The following GTF2I variants were observed in gnomAD, a reference collection of about 807,000 sequenced individuals.
The protein encoded by GTF2I is general transcription factor II-I.
In GTF2I, 12 loss-of-function variants were observed where a neutral mutation model predicts 67.6. That is an observed-to-expected ratio of 0.18 (90% CI 0.11 to 0.29). The LOEUF is 0.29. GTF2I is among the 10% of genes least tolerant of loss of function. GTF2I has a pLI of 1.00. For synonymous variants in GTF2I, 149 were observed against 197.0 expected (o/e 0.76, Z 2.04); for missense variants, 271 against 580.1 (o/e 0.47, Z 5.47).
intron 1 of GTF2I, among the ~76,000 whole-genome samples, chr7:74,671,090 T>C (rs915106401): frequency 1.4e-4 from 19 of 140,478 alleles, no homozygotes; most frequent in Non-Finnish European, 2.5e-4. Context: ...TTTTTTTTTT[T>C]TTTTTTTTTT....
chr7:74,685,759 T>C (rs1322041352), intron 1 of GTF2I, among the ~76,000 whole-genome samples: 1 of 149,464 alleles, frequency 6.7e-6, no homozygotes, highest in African/African-American at 2.5e-5. Flanking sequence ...AGAGCTAGAC[T>C]CCGTCTTAAA....
At chr7:74,697,949 TG>T (rs201162049) in intron 3 of GTF2I, among the ~76,000 whole-genome samples, 88,169 of 146,966 alleles carry the variant, frequency 0.6, 28,192 homozygotes, top group East Asian at 0.89. Flanking sequence ...TTGTATTTTT[TG>T]TTTGTTTGTT....
rs782030648 is a variant in GTF2I at position 74,705,234 on chromosome 7, A to AGGAG, written c.641+16_641+17insGGAG. ...CAGGTGGAAGGTAAAACCTAATTTCATTACTGCTGTTTAACTCCCACACCT... is the reference window on the plus strand; with the variant it reads ...CAGGTGGAAGGTAAAACCTAATTTCAGGAGTTACTGCTGTTTAACTCCCACACCT... On this transcript the variant is annotated intron_variant, in intron 7 of 34. Coordinates refer to ENST00000573035, the MANE Select transcript of GTF2I (RefSeq NM_032999.4). 3.3e-6 allele frequency: 5 copies of AGGAG among 1,502,238 alleles called. No individual in the cohort carries two copies. The African/African-American group carries it at 4.1e-5, about 12-fold the overall frequency. 93.1% of individuals were successfully genotyped at this position (1,502,238 alleles called of 1,614,324 possible).
intron 1 of GTF2I, among the ~76,000 whole-genome samples, chr7:74,672,652 G>C (rs587644393): frequency 1.3e-5 from 2 of 152,258 alleles, no homozygotes; most frequent in East Asian, 3.9e-4. Flanking sequence ...TCTTAGAATT[G>C]AAGTATTGTT....
chr7:74,666,578 C>T (rs887469781), intron 1 of GTF2I, among the ~76,000 whole-genome samples: 17 of 151,972 alleles, frequency 1.1e-4, no homozygotes, highest in South Asian at 2.1e-4. Flanking sequence ...GTGGCTCACT[C>T]CTGTACTCCC....
chr7:74,715,332 C>T (rs1040131724), intron 10 of GTF2I, among the ~76,000 whole-genome samples: 7 of 151,970 alleles, frequency 4.6e-5, no homozygotes, highest in Non-Finnish European at 1.0e-4. Flanking sequence ...GCCTTTTTGG[C>T]AATTTTTTAC....
At chr7:74,726,059 C>T (rs1793736860) in intron 12 of GTF2I, among the ~76,000 whole-genome samples, 1 of 152,118 alleles carries the variant, frequency 6.6e-6, no homozygotes, top group Non-Finnish European at 1.5e-5. Context: ...CCTTCCATTC[C>T]ATCTACAGCT....
At chr7:74,701,626 C>A (rs1554399914) in intron 6 of GTF2I, among the ~76,000 whole-genome samples, 3 of 152,072 alleles carry the variant, frequency 2.0e-5, no homozygotes, top group African/African-American at 7.2e-5. Context: ...TGCTGCCACG[C>A]CCGGCTAATT....
chr7:74,658,410 G>C (rs1485420992), intron 1 of GTF2I, among the ~76,000 whole-genome samples: 2 of 145,386 alleles, frequency 1.4e-5, no homozygotes, highest in African/African-American at 5.0e-5. Context: ...ACCGGCGTGC[G>C]GTGGGGGGGC....
chr7:74,732,732 A>C, intron 15 of GTF2I, 70 bp downstream of exon 15: 4 of 1,537,172 alleles, frequency 2.6e-6, no homozygotes, highest in Non-Finnish European at 3.5e-6. Context: ...ATTGTTGACC[A>C]ATATTCATTC....
At chr7:74,720,961 A>C (rs1426618839) in intron 12 of GTF2I, among the ~76,000 whole-genome samples, 2 of 152,150 alleles carry the variant, frequency 1.3e-5, no homozygotes, top group African/African-American at 4.8e-5. Context: ...CATGAACCTG[A>C]AGCTTATGTC....
intron 3 of GTF2I, among the ~76,000 whole-genome samples, chr7:74,696,358 G>A (rs773142032): frequency 6.6e-6 from 1 of 151,328 alleles, no homozygotes; most frequent in Non-Finnish European, 1.5e-5. Context: ...TTGAGACAGA[G>A]TCTCACTATC....
At chr7:74,662,219 T>C (rs1804563887) in intron 1 of GTF2I, among the ~76,000 whole-genome samples, 1 of 143,662 alleles carries the variant, frequency 7.0e-6, no homozygotes, top group Non-Finnish European at 1.5e-5. Context: ...TTTTTTTTTT[T>C]TTTTTTTTTT....
At chr7:74,680,093 A>ATATAT (rs1187116816) in intron 1 of GTF2I, among the ~76,000 whole-genome samples, 17 of 99,414 alleles carry the variant, frequency 1.7e-4, no homozygotes, top group Admixed American at 9.1e-4. Context: ...AAAAAAAAAA[A>ATATAT]AAAAAAATAT....
At chr7:74,692,826 G>A (rs111978689) in intron 3 of GTF2I, among the ~76,000 whole-genome samples, 2,280 of 152,186 alleles carry the variant, frequency 0.015, 27 homozygotes, top group Non-Finnish European at 0.024. Context: ...GCAATGGTGC[G>A]ATCTCGGCTC....
chr7:74,706,443 A>C lies in GTF2I; in HGVS notation c.685+10A>C, dbSNP rs1554401430. 6 of 1,589,642 alleles carry C rather than the reference A, an allele frequency of 3.8e-6. No homozygotes were observed. Among genetic ancestry groups the C allele is most frequent in the Non-Finnish European group, 5.2e-6 (6 of 1,157,842 alleles). On this transcript the variant is annotated intron_variant, in intron 8 of 34. Transcript: ENST00000573035. ...CCCACAGAAGATTCTGGTATGTACT[A>C]GCACTTTTAGAATCAATGGTGAAAT...
intron 6 of GTF2I, among the ~76,000 whole-genome samples, chr7:74,700,920 C>T (rs1447606982): frequency 3.9e-5 from 6 of 152,152 alleles, no homozygotes; most frequent in South Asian, 2.1e-4. Flanking sequence ...GTCATCGACT[C>T]GGCAAGACGT....
At chr7:74,732,158 T>TATAC (rs1156376066) in intron 14 of GTF2I, among the ~76,000 whole-genome samples, 25 of 148,390 alleles carry the variant, frequency 1.7e-4, no homozygotes, top group African/African-American at 5.4e-4. Context: ...TATATATATA[T>TATAC]ACATAAACAC....
At chr7:74,697,508 C>G in intron 3 of GTF2I, among the ~76,000 whole-genome samples, 1 of 152,182 alleles carries the variant, frequency 6.6e-6, no homozygotes, top group Non-Finnish European at 1.5e-5. Context: ...AGCCAAGTTG[C>G]AAGTGCCACA....
Sources: allele counts gnomAD v4.1 joint callset (sites outside exome capture counted in the v4.1 genomes callset), GRCh38; gene constraint gnomAD v4.1.1; transcripts MANE v1.5; gene names NCBI Gene and HGNC (gene_info 2026-07-23, HGNC 2026-07-21).